The following ACSL3 variants were observed in gnomAD, a reference collection of about 807,000 sequenced individuals.
The protein encoded by ACSL3 is fatty acid CoA ligase Acsl3.
Under a neutral mutation model 84.7 loss-of-function variants are expected in ACSL3, and 34 were observed. The ratio of observed to expected loss-of-function variants is 0.40; its 90% confidence interval spans 0.31 to 0.53. The LOEUF (loss-of-function observed/expected upper bound fraction) is 0.53, where lower values mean the gene tolerates loss of function less well. Among genes scored for constraint, ACSL3 ranks in the 20% least tolerant of loss-of-function variants. The pLI is 0.48. For missense variants in ACSL3, 680 were observed against 873.1 expected, an observed-to-expected ratio of 0.78 and a Z score of 2.79; for synonymous variants, 315 against 299.4, an observed-to-expected ratio of 1.05 and a Z score of -0.54.
At chr2:222,881,965 T>A (rs1451195747) in intron 1 of ACSL3, among the ~76,000 whole-genome samples, 1 of 152,220 alleles carries the variant, frequency 6.6e-6, no homozygotes. Flanking sequence ...GGTGTATCAT[T>A]CTTTTAACTC....
At chr2:222,873,208 G>A (rs1222281827) in intron 1 of ACSL3, among the ~76,000 whole-genome samples, 13 of 152,120 alleles carry the variant, frequency 8.5e-5, no homozygotes, top group Admixed American at 3.3e-4. Flanking sequence ...ATTATCTTCA[G>A]CAGTATTAAA....
Position 222,916,325 on chromosome 2 carries a change from C to T in ACSL3, c.385C>T (p.Leu129Phe). 1 of 1,599,234 alleles carries T rather than the reference C, an allele frequency of 6.3e-7. No homozygotes were observed. Residue 129 changes from leucine to phenylalanine, a missense_variant, in exon 5 of 17, where the codon CTT becomes TTT. Physicochemically the swap from Leu to Phe is conservative, Grantham distance 22 (BLOSUM62 0). Transcript: ENST00000357430. The part of the protein sequence containing the change: ...PNGKIFKKVI[L>F]GQYNWLSYED... ...TTTTTTTTTGTTTTATCAGGTTATTCTTGGACAGTATAATTGGCTTTCCTA... is the reference window on the plus strand; with the variant it reads ...TTTTTTTTTGTTTTATCAGGTTATTTTTGGACAGTATAATTGGCTTTCCTA...
intron 2 of ACSL3, among the ~76,000 whole-genome samples, chr2:222,896,171 T>C (rs1574534259): frequency 4.9e-4 from 3 of 6,128 alleles, no homozygotes; most frequent in Non-Finnish European, 4.5e-4. Flanking sequence ...CCCCTCCACC[T>C]CCCTCCCGGA....
intron 1 of ACSL3, among the ~76,000 whole-genome samples, chr2:222,866,478 C>T (rs1181758224): frequency 6.6e-6 from 1 of 152,142 alleles, no homozygotes; most frequent in East Asian, 1.9e-4. Context: ...CTAATTTTTA[C>T]AGCTGAGGAA....
At chr2:222,892,659 A>T (rs1215899377) in intron 2 of ACSL3, among the ~76,000 whole-genome samples, 1 of 152,068 alleles carries the variant, frequency 6.6e-6, no homozygotes, top group Non-Finnish European at 1.5e-5. Flanking sequence ...GTATTAAAGG[A>T]TACTTTTTTC....
rs983339677 is a variant in ACSL3, at chr2:222,900,775, A to C, written c.-46A>C. ...TCACACCACCTTAGCCTCTTGATCG[A>C]GGAAGGTAAAGAATTACTTTCACTG... On this transcript the variant is annotated 5_prime_UTR_variant, in exon 3 of 17. Transcript: ENST00000357430. 6.6e-6 allele frequency: 1 copy of C among 152,224 alleles called. No homozygotes were observed. The highest frequency in any genetic ancestry group is 2.4e-5 in the African/African-American group (1 of 41,466). 9.4% of individuals were successfully genotyped at this position (152,224 alleles called of 1,614,324 possible).
intron 1 of ACSL3, among the ~76,000 whole-genome samples, chr2:222,875,167 A>G (rs1047980553): frequency 2.0e-5 from 3 of 152,142 alleles, no homozygotes; most frequent in African/African-American, 4.8e-5. Context: ...AAATGTACCT[A>G]TTGTTATTGT....
intron 1 of ACSL3, among the ~76,000 whole-genome samples, chr2:222,866,151 C>G (rs1317017945): frequency 4.1e-5 from 6 of 147,204 alleles, no homozygotes; most frequent in Non-Finnish European, 9.0e-5. Flanking sequence ...AAAATAGGTA[C>G]TTTTTTTTTT....
At chr2:222,919,778 A>G (rs1310035671) in intron 7 of ACSL3, among the ~76,000 whole-genome samples, 23 of 152,246 alleles carry the variant, frequency 1.5e-4, no homozygotes, top group Admixed American at 1.5e-3. Context: ...GAAACCTAGT[A>G]ATTAGATGTA....
chr2:222,918,030 C>A lies in ACSL3; in HGVS notation c.557-16C>A. The A allele has an allele frequency of 1.3e-6, 2 of 1,558,346 alleles. No homozygotes were observed. Among genetic ancestry groups the A allele is most frequent in the Non-Finnish European group, 1.8e-6 (2 of 1,134,988 alleles). ...AAATGTTTGAATATTTGACTGGCTG[C>A]TGCTTTTCCTTTTAGTTGTTACATT... On this transcript the variant is annotated splice_polypyrimidine_tract_variant and intron_variant, in intron 5 of 16. Coordinates refer to ENST00000357430, the MANE Select transcript of ACSL3 (RefSeq NM_004457.5).
intron 7 of ACSL3, chr2:222,920,994 G>A (rs894323729): frequency 5.6e-6 from 3 of 531,092 alleles, no homozygotes; most frequent in Non-Finnish European, 1.1e-5. Flanking sequence ...CTACAGAGAC[G>A]GTCTCCAGGC....
chr2:222,921,574 A>G (rs1696740064), intron 8 of ACSL3, 144 bp downstream of exon 8: 1 of 770,424 alleles, frequency 1.3e-6, no homozygotes, highest in Non-Finnish European at 1.9e-6. Flanking sequence ...ATAAAAAAGG[A>G]CATTAAAATT....
At chr2:222,926,259 G>C (rs111296160) in intron 11 of ACSL3, among the ~76,000 whole-genome samples, 2 of 152,154 alleles carry the variant, frequency 1.3e-5, no homozygotes, top group African/African-American at 4.8e-5. Flanking sequence ...ATACTATGCC[G>C]TTTTATATAA....
In ACSL3 at chr2:222,919,105, T is replaced by C. The variant is rs769094747; in HGVS notation, c.708T>C (p.Thr236=). ...SLVPRLRHII[T]VDGKPPTWSE... is the part of the protein sequence containing the mutation. Reference sequence around the variant, plus strand: ...TCCCACGCCTGCGGCACATCATCACTGTTGATGGAAAGCCACCGACCTGGT... The same window carrying C: ...TCCCACGCCTGCGGCACATCATCACCGTTGATGGAAAGCCACCGACCTGGT... Residue 236 remains threonine, a synonymous_variant, in exon 7 of 17, where the codon ACT becomes ACC. Transcript: ENST00000357430. 2.8e-5 allele frequency: 45 copies of C among 1,614,046 alleles called. No homozygotes were observed. Among genetic ancestry groups the C allele is most frequent in the Non-Finnish European group, 3.4e-5 (40 of 1,180,030 alleles).
At position 222,942,212 on chromosome 2, in the gene ACSL3, T is replaced by C. The variant is rs55877777; in HGVS notation, c.*558T>C. On this transcript the variant is annotated 3_prime_UTR_variant, in exon 17 of 17. Transcript: ENST00000357430. The stretch of plus-strand genomic sequence containing the variant: ...AGAGAAATAAATATACCCATACTTA[T>C]GTTTTAAGAAGTTGAGATCTTGTGA... 479 of 191,386 alleles carry C rather than the reference T, an allele frequency of 2.5e-3. No individual in the cohort carries two copies. The highest frequency in any genetic ancestry group is 3.8e-3 in the Non-Finnish European group (347 of 91,054). 11.9% of individuals were successfully genotyped at this position (191,386 alleles called of 1,614,324 possible).
chr2:222,934,593 A>G lies in ACSL3; in HGVS notation c.1911A>G (p.Arg637=), dbSNP rs1404680814. 4.4e-6 allele frequency: 7 copies of G among 1,604,982 alleles called. No individual in the cohort carries two copies. The highest frequency in any genetic ancestry group is 6.0e-6 in the Non-Finnish European group (7 of 1,176,036). ...PNQKELTELA[R]KKGLKGTWEE... The stretch of plus-strand genomic sequence containing the variant: ...AAAAGGAACTAACTGAACTAGCTCG[A>G]AAGAAAGGACTTAAAGGGACTTGGG... Residue 637 remains arginine (R), a synonymous_variant, in exon 16 of 17, where the codon CGA becomes CGG. Coordinates refer to ENST00000357430, the MANE Select transcript of ACSL3 (RefSeq NM_004457.5).
chr2:222,879,179 A>T (rs1344480050), intron 1 of ACSL3, among the ~76,000 whole-genome samples: 1 of 152,140 alleles, frequency 6.6e-6, no homozygotes, highest in Non-Finnish European at 1.5e-5. Flanking sequence ...TTAGCCGGGC[A>T]TGGTGGCGGG....
chr2:222,924,737 TC>T, intron 11 of ACSL3, 142 bp downstream of exon 11: 1 of 1,017,190 alleles, frequency 9.8e-7, no homozygotes, highest in Non-Finnish European at 1.3e-6. Context: ...AAAAAATCCA[TC>T]CCAGGCCAGG....
intron 11 of ACSL3, among the ~76,000 whole-genome samples, chr2:222,926,551 A>G (rs897631913): frequency 2.6e-5 from 4 of 152,342 alleles, no homozygotes; most frequent in Non-Finnish European, 4.4e-5. Flanking sequence ...TTTTTAACAA[A>G]CAATTCAAAG....
Sources: gnomAD v4.1 joint callset for allele counts (sites outside exome capture counted in the v4.1 genomes callset) on GRCh38, gnomAD v4.1.1 for gene constraint, MANE v1.5 for transcripts, NCBI Gene and HGNC (gene_info 2026-07-23, HGNC 2026-07-21) for gene names.